The following CLCN4 variants were observed in gnomAD, a reference collection of about 807,000 sequenced individuals.
The protein encoded by CLCN4 is Cl-/H+ antiporter 4.
In CLCN4, 1 loss-of-function variant was observed where a neutral mutation model predicts 41.7. The ratio of observed to expected loss-of-function variants is 0.02; its 90% CI spans 0.01 to 0.11. CLCN4 has a LOEUF of 0.11. CLCN4 is among the 10% of genes least tolerant of loss of function. The pLI is 1.00. For missense variants in CLCN4, 287 were observed against 661.0 expected (o/e 0.43, Z 6.20); for synonymous variants, 277 against 285.8 (o/e 0.97, Z 0.31).
intron 4 of CLCN4, among the ~76,000 whole-genome samples, chrX:10,194,068 A>G (rs1202255438): frequency 1.8e-5 from 2 of 108,862 alleles, no homozygotes; most frequent in Non-Finnish European, 3.8e-5. Context: ...GAGGAAGGAG[A>G]TGTAGAGCTG....
intron 5 of CLCN4, among the ~76,000 whole-genome samples, chrX:10,196,819 C>T (rs1202036124): frequency 1.8e-5 from 2 of 111,895 alleles, no homozygotes; most frequent in East Asian, 2.8e-4. Context: ...TGGGGAAATA[C>T]AGCCATCCAT....
At chrX:10,203,506 T>G (rs137976389) in intron 6 of CLCN4, among the ~76,000 whole-genome samples, 1 of 111,672 alleles carries the variant, frequency 9.0e-6, no homozygotes, top group Non-Finnish European at 1.9e-5. Flanking sequence ...ATGAGCTCAC[T>G]TCATGACCCT....
rs763091637 is a variant in CLCN4, at chrX:10,208,004, T to C, written c.844-41T>C. 5 of 1,133,800 alleles carry C rather than the reference T, an allele frequency of 4.4e-6. No homozygotes were observed. The African/African-American group carries it at 9.0e-5, about 20-fold the overall frequency. 93.4% of individuals were successfully genotyped at this position (1,133,800 alleles called of 1,213,427 possible). A position where few individuals can be genotyped will look rare whatever the true frequency, so the allele number is the denominator to read the frequency against. On this transcript the variant is annotated intron_variant, in intron 8 of 12. Transcript: ENST00000380833. ...CAGAGGGCTTGGCTCTGAGCAGCTC[T>C]TTCTCCGGCCAGTCTTTAATTTTCC...
intron 4 of CLCN4, among the ~76,000 whole-genome samples, chrX:10,192,820 C>T (rs1394337313): frequency 1.8e-5 from 2 of 111,843 alleles, no homozygotes; most frequent in African/African-American, 3.3e-5. Flanking sequence ...AAAGACAGCC[C>T]GAGTGGGGAT....
intron 9 of CLCN4, 41 bp from the exon 10 acceptor site, chrX:10,212,426 G>C (rs373747286): frequency 8.5e-5 from 100 of 1,171,837 alleles, no homozygotes; most frequent in Non-Finnish European, 1.1e-4. Flanking sequence ...CGGGGACTTG[G>C]TCTTTTTCCC....
At chrX:10,211,247 CAG>C (rs2147181630) in intron 9 of CLCN4, among the ~76,000 whole-genome samples, 1 of 73,107 alleles carries the variant, frequency 1.4e-5, no homozygotes, top group Admixed American at 2.4e-4. Context: ...GCCTGGGCGA[CAG>C]AGCGAGATTC....
chrX:10,185,412 G>C (rs752992118), intron 3 of CLCN4, among the ~76,000 whole-genome samples: 2 of 111,612 alleles, frequency 1.8e-5, no homozygotes, highest in Admixed American at 1.9e-4. Context: ...AGGGGACTTT[G>C]CAGGTGCCAT....
At chrX:10,184,863 C>T (rs1040350982) in intron 2 of CLCN4, among the ~76,000 whole-genome samples, 159 bp from the exon 3 acceptor site, 2 of 111,705 alleles carry the variant, frequency 1.8e-5, no homozygotes, top group African/African-American at 6.5e-5. Context: ...ATAACCTCCA[C>T]GAATAATGAT....
intron 6 of CLCN4, among the ~76,000 whole-genome samples, chrX:10,205,485 AAAAAAG>A (rs200523217): frequency 0.034 from 3,688 of 107,024 alleles, 163 homozygotes; most frequent in African/African-American, 0.11. Context: ...AAAAAAAAAA[AAAAAAG>A]AAAAAGAAAC....
chrX:10,185,153 C>T lies in CLCN4; in HGVS notation c.121C>T (p.Arg41Trp), dbSNP rs1487024975. The change falls in exon 3 of 13, where the codon CGG becomes TGG. Residue 41 changes from arginine to tryptophan, a missense_variant. This residue lies in a region of CLCN4 where 90 missense variants were observed against 209.8 expected (regional missense o/e 0.43). Transcript: ENST00000380833. ...HTIDWLREKS[R>W]DTDRHRKITS... ...CATCGACTGGCTAAGGGAAAAGTCA[C>T]GGGACACCGACAGACACAGGAAGGT... The T allele has an allele frequency of 3.3e-6, 4 of 1,203,900 alleles. No individual in the cohort carries two copies. The highest frequency in any genetic ancestry group is 4.4e-5 in the Admixed American group (2 of 45,239).
chrX:10,216,102 C>G (rs1045726066), intron 11 of CLCN4, among the ~76,000 whole-genome samples: 4 of 111,836 alleles, frequency 3.6e-5, no homozygotes, highest in Non-Finnish European at 5.6e-5. Flanking sequence ...TAGCTAGACA[C>G]TATCCCATGC....
At chrX:10,220,263 C>T (rs751469508) in intron 11 of CLCN4, among the ~76,000 whole-genome samples, 49 of 111,968 alleles carry the variant, frequency 4.4e-4, no homozygotes, top group Non-Finnish European at 8.6e-4. Context: ...TTAAGGTCAT[C>T]GGGCAGCTAA....
In CLCN4 at chrX:10,213,728, T is replaced by C; in HGVS notation, c.1624T>C (p.Leu542=). The change falls in exon 11 of 13, where the codon TTA becomes CTA. Residue 542 remains leucine (L), a synonymous_variant. Coordinates refer to ENST00000380833, the MANE Select transcript of CLCN4 (RefSeq NM_001830.4). ...TVSLVVIMFE[L]TGGLEYIVPL... Reference sequence around the variant, plus strand: ...GTCATTGGTGGTCATCATGTTTGAATTAACCGGGGGTCTGGAGTACATCGT... The same window carrying C: ...GTCATTGGTGGTCATCATGTTTGAACTAACCGGGGGTCTGGAGTACATCGT... 1 of 1,210,918 alleles carries C rather than the reference T, an allele frequency of 8.3e-7. No homozygotes were observed. Among genetic ancestry groups the C allele is most frequent in the Non-Finnish European group, 1.1e-6 (1 of 894,708 alleles).
In CLCN4 at chrX:10,235,899, G is replaced by A. The variant is rs1925237868; in HGVS notation, c.*2315G>A. 8.9e-6 allele frequency: 1 copy of A among 112,432 alleles called. No individual in the cohort carries two copies. The allele number at this position is 112,432 out of a possible 1,213,427, so 9.3% of individuals were successfully genotyped here. On this transcript the variant is annotated 3_prime_UTR_variant, in exon 13 of 13. Transcript: ENST00000380833. ...CGTATTTATAGCACGTAAGCCTTGA[G>A]TAACAGGTCTTAATGTTAGTGTTGG...
chrX:10,193,912 G>T (rs1184388307), intron 4 of CLCN4, among the ~76,000 whole-genome samples: 1 of 109,993 alleles, frequency 9.1e-6, no homozygotes, highest in African/African-American at 3.3e-5. Context: ...TGGGCCAAGG[G>T]AAGGAAAGAG....
chrX:10,167,546 C>T (rs1322655143), intron 2 of CLCN4, among the ~76,000 whole-genome samples: 1 of 112,018 alleles, frequency 8.9e-6, no homozygotes, highest in Admixed American at 9.4e-5. Flanking sequence ...ACCGTGGAAG[C>T]GACAGTGTGT....
At chrX:10,171,265 G>A (rs898411153) in intron 2 of CLCN4, among the ~76,000 whole-genome samples, 3 of 112,307 alleles carry the variant, frequency 2.7e-5, no homozygotes, top group Non-Finnish European at 3.8e-5. Flanking sequence ...TATGGATTGT[G>A]TTTTTGATGT....
At chrX:10,232,546 G>A (rs1925152352) in intron 12 of CLCN4, among the ~76,000 whole-genome samples, 1 of 112,002 alleles carries the variant, frequency 8.9e-6, no homozygotes, top group Admixed American at 9.5e-5. Flanking sequence ...GTAGTGTTTT[G>A]CAAACTTATG....
At position 10,208,693 on chromosome X, in the gene CLCN4, C is replaced by G. The variant is rs1602157661; in HGVS notation, c.1389+103C>G. 1.8e-5 allele frequency: 13 copies of G among 736,614 alleles called. No homozygotes were observed. In the East Asian group the frequency reaches 4.3e-4, roughly 24 times the overall value. The allele number at this position is 736,614 out of a possible 1,213,427, so 60.7% of individuals were successfully genotyped here. On this transcript the variant is annotated intron_variant, in intron 9 of 12. Coordinates refer to ENST00000380833, the MANE Select transcript of CLCN4 (RefSeq NM_001830.4). ...GCGGTGGGAAAAAAAGGGGAACTGGCCTTTCTTGAATGTTCTCATGTGCCA... is the reference window on the plus strand; with the variant it reads ...GCGGTGGGAAAAAAAGGGGAACTGGGCTTTCTTGAATGTTCTCATGTGCCA...
Sources: allele counts gnomAD v4.1 joint callset (sites outside exome capture counted in the v4.1 genomes callset), GRCh38; gene constraint gnomAD v4.1.1; regional missense constraint gnomAD v4.1.1; transcripts MANE v1.5; gene names NCBI Gene and HGNC (gene_info 2026-07-23, HGNC 2026-07-21).